The following SRSF11 variants were observed in gnomAD, a reference collection of about 807,000 sequenced individuals.
SRSF11 encodes serine and arginine rich splicing factor 11.
SRSF11 carries 9 observed loss-of-function variants against 56.0 expected under a neutral mutation model. The observed-to-expected ratio is 0.16, with a 90% CI of 0.10 to 0.28. SRSF11 has a LOEUF of 0.28. Ranked by LOEUF, SRSF11 falls within the 10% of genes least tolerant of loss-of-function variation. SRSF11 has a pLI of 1.00. For synonymous variants in SRSF11, 222 were observed against 215.3 expected (o/e 1.03, Z -0.27); for missense variants, 421 against 600.7 (o/e 0.70, Z 3.13).
chr1:70,250,187 A>C, intron 10 of SRSF11, 140 bp downstream of exon 10: 1 of 1,265,734 alleles, frequency 7.9e-7, no homozygotes, highest in Non-Finnish European at 1.1e-6. Flanking sequence ...TTGTGACTTA[A>C]ACACCATTAA....
chr1:70,226,025 T>A (rs1187090628), intron 1 of SRSF11, among the ~76,000 whole-genome samples: 2 of 152,062 alleles, frequency 1.3e-5, no homozygotes, highest in African/African-American at 4.8e-5. Flanking sequence ...ACCCCATCTC[T>A]GCTAAAAATA....
chr1:70,217,961 G>GT (rs556501638), upstream of SRSF11, among the ~76,000 whole-genome samples: 6 of 147,504 alleles, frequency 4.1e-5, no homozygotes, highest in East Asian at 2.2e-4. Context: ...ACAGGGGTGG[G>GT]TTTTTTTTGT....
chr1:70,244,366 A>G (rs1191091915), intron 7 of SRSF11, among the ~76,000 whole-genome samples: 3 of 152,208 alleles, frequency 2.0e-5, no homozygotes, highest in Non-Finnish European at 4.4e-5. Context: ...GATGCAAATA[A>G]GTCATACTTT....
At position 70,250,960 on chromosome 1, in the gene SRSF11, C is replaced by T; in HGVS notation, c.*155C>T. 4.7e-6 allele frequency: 3 copies of T among 639,372 alleles called. No homozygotes were observed. The highest frequency in any genetic ancestry group is 2.8e-5 in the East Asian group (1 of 35,686). The allele number at this position is 639,372 out of a possible 1,614,324, so 39.6% of individuals were successfully genotyped here. On this transcript the variant is annotated 3_prime_UTR_variant, in exon 12 of 12. Coordinates refer to ENST00000370949, the MANE Select transcript of SRSF11 (RefSeq NM_001350605.2). ...TCCTGTTACTCATATTAGTTATTTA[C>T]ATCAAAAAGCTTTTAGAAAATGGTA...
intron 1 of SRSF11, among the ~76,000 whole-genome samples, chr1:70,211,443 G>A (rs1183384687): frequency 2.0e-5 from 3 of 152,028 alleles, no homozygotes; most frequent in Non-Finnish European, 2.9e-5. Flanking sequence ...AGCAAAGCTC[G>A]CCTACAGTTT....
At chr1:70,236,196 C>G (rs966427821) in intron 5 of SRSF11, among the ~76,000 whole-genome samples, 4 of 151,992 alleles carry the variant, frequency 2.6e-5, no homozygotes, top group African/African-American at 9.7e-5. Context: ...TACCCATCAC[C>G]CAGCTTATAA....
chr1:70,239,523 T>G lies in SRSF11; in HGVS notation c.800+3T>G. ...ACTCCCTCATCTTCTAGACACAGGT[T>G]AGATTGCTTTTTAGTCAATTATACC... On this transcript the variant is annotated splice_donor_region_variant and intron_variant, in intron 7 of 11. Transcript: ENST00000370949. 6.3e-7 allele frequency: 1 copy of G among 1,588,158 alleles called. No individual in the cohort carries two copies. Among genetic ancestry groups the G allele is most frequent in the Non-Finnish European group, 8.5e-7 (1 of 1,170,928 alleles).
At position 70,251,054 on chromosome 1, in the gene SRSF11, G is replaced by T. The variant is rs1207291791; in HGVS notation, c.*249G>T. ...CAAGCAGTTTTACTATTCTGGTGCT[G>T]CTTCATAACAAAAATGAAAAGCTGC... On this transcript the variant is annotated 3_prime_UTR_variant, in exon 12 of 12. Transcript: ENST00000370949. The T allele has an allele frequency of 5.0e-6, 2 of 402,892 alleles. No individual in the cohort carries two copies. Among genetic ancestry groups the T allele is most frequent in the Admixed American group, 4.0e-5 (1 of 25,304 alleles). The allele number at this position is 402,892 out of a possible 1,614,324, so 25.0% of individuals were successfully genotyped here.
upstream of SRSF11, among the ~76,000 whole-genome samples, chr1:70,216,829 CTG>C (rs1215411598): frequency 1.3e-5 from 2 of 152,322 alleles, no homozygotes; most frequent in Middle Eastern, 3.4e-3. Context: ...TGAACCTTCT[CTG>C]TGCATACTTC....
chr1:70,218,015 A>AGTC, upstream of SRSF11, among the ~76,000 whole-genome samples: 1 of 151,702 alleles, frequency 6.6e-6, no homozygotes, highest in Non-Finnish European at 1.5e-5. Context: ...TTTGAGACGG[A>AGTC]GTCTTGCTCT....
At chr1:70,231,484 C>T in intron 2 of SRSF11, 1 of 1,057,222 alleles carries the variant, frequency 9.5e-7, no homozygotes, top group South Asian at 3.1e-5. Flanking sequence ...GCTAAGTTAG[C>T]TTTTCAACTG....
In SRSF11 at chr1:70,250,903, A is replaced by AAATGGTTTGAGATT; in HGVS notation, c.*98_*99insAATGGTTTGAGATT. ...ATTTGTTCATCTCAAACCTAGATGT[A>AAATGGTTTGAGATT]TACAGCTCTGAGTTATAAATGGTTA... is the stretch of plus-strand genomic sequence containing the variant. On this transcript the variant is annotated 3_prime_UTR_variant, in exon 12 of 12. Coordinates refer to ENST00000370949, the MANE Select transcript of SRSF11 (RefSeq NM_001350605.2). The AAATGGTTTGAGATT allele has an allele frequency of 9.6e-7, 1 of 1,041,160 alleles. No individual in the cohort carries two copies. Among genetic ancestry groups the AAATGGTTTGAGATT allele is most frequent in the Non-Finnish European group, 1.4e-6 (1 of 689,822 alleles). The allele number at this position is 1,041,160 out of a possible 1,614,324, so 64.5% of individuals were successfully genotyped here.
chr1:70,223,450 T>C (rs1205352059), intron 1 of SRSF11, among the ~76,000 whole-genome samples: 1 of 152,222 alleles, frequency 6.6e-6, no homozygotes, highest in Non-Finnish European at 1.5e-5. Flanking sequence ...TTTTGTTTTG[T>C]AATCAAATGA....
rs181246637 is a variant in SRSF11, at chr1:70,246,146, T to C, written c.933-672T>C. ...GAATAGTTAAAGAGGGGGGTTGTTA[T>C]GAGACTTCTCATTCAACAAATATAT... On this transcript the variant is annotated intron_variant, in intron 8 of 11. Transcript: ENST00000370949. Among the ~76,000 whole-genome samples the C allele has an allele frequency of 2.6e-5, 4 of 152,268 alleles. No individual in the cohort carries two copies. The East Asian group carries it at 7.7e-4, about 29-fold the overall frequency.
Position 70,205,757 on chromosome 1 carries a change from G to A in SRSF11, c.-49G>A, listed in dbSNP as rs1668945704. 4 of 469,084 alleles carry A rather than the reference G, an allele frequency of 8.5e-6. 1 individual carries two copies. Among genetic ancestry groups the A allele is most frequent in the Non-Finnish European group, 1.5e-5 (4 of 260,962 alleles). 29.1% of individuals were successfully genotyped at this position (469,084 alleles called of 1,614,324 possible). On this transcript the variant is annotated 5_prime_UTR_variant, in exon 1 of 13. Transcript: ENST00000370950. ...CTTTTCCGTTGCCGGTGCCGGCCTAGCGTCCTGGAATTACTTCAATCAAGT... is the reference window on the plus strand; with the variant it reads ...CTTTTCCGTTGCCGGTGCCGGCCTAACGTCCTGGAATTACTTCAATCAAGT...
At chr1:70,224,883 C>A (rs1444171764) in intron 1 of SRSF11, among the ~76,000 whole-genome samples, 1 of 152,160 alleles carries the variant, frequency 6.6e-6, no homozygotes, top group Non-Finnish European at 1.5e-5. Flanking sequence ...GTTTGAATAT[C>A]TATTGTGTGT....
At position 70,244,786 on chromosome 1, in the gene SRSF11, T is replaced by A; in HGVS notation, c.903T>A (p.Gly301=). 1 of 1,613,886 alleles carries A rather than the reference T, an allele frequency of 6.2e-7. No homozygotes were observed. Among genetic ancestry groups the A allele is most frequent in the Non-Finnish European group, 8.5e-7 (1 of 1,179,960 alleles). The stretch of plus-strand genomic sequence containing the variant: ...GAAGATCTCATTCCAGAGAAAGAGG[T>A]AGAAGGTCAAGGAGCACATCAAAAA... The part of the protein sequence containing the change: ...RRRRSHSRER[G]RRSRSTSKTR... Residue 301 remains glycine (G), a synonymous_variant, in exon 8 of 12, where the codon GGT becomes GGA. Transcript: ENST00000370949.
chr1:70,246,860 A>C lies in SRSF11; in HGVS notation c.975A>C (p.Thr325=), dbSNP rs150995659. The C allele has an allele frequency of 1.0e-3, 1,671 of 1,611,738 alleles. No homozygotes were observed. The highest frequency in any genetic ancestry group is 1.2e-3 in the Non-Finnish European group (1,471 of 1,178,962). ...ACAAAGAAAAGAAACGTTCTAAAAC[A>C]CCACCAAAAAGTTACAGCACAGCCA... ...KEDKEKKRSK[T]PPKSYSTARR... Residue 325 remains threonine (T), a synonymous_variant, in exon 9 of 12, where the codon ACA becomes ACC. Transcript: ENST00000370949.
intron 7 of SRSF11, among the ~76,000 whole-genome samples, chr1:70,242,472 C>CTTTCTTTTTTTTT (rs1675681174): frequency 7.2e-6 from 1 of 139,392 alleles, no homozygotes; most frequent in South Asian, 2.5e-4. Flanking sequence ...ATTTTTGCAC[C>CTTTCTTTTTTTTT]TTTTTTTTTT....
Sources: gnomAD v4.1 joint callset for allele counts (sites outside exome capture counted in the v4.1 genomes callset) on GRCh38, gnomAD v4.1.1 for gene constraint, MANE v1.5 for transcripts, NCBI Gene and HGNC (gene_info 2026-07-23, HGNC 2026-07-21) for gene names.